Variants in STXBP4 observed in about 807,000 individuals in gnomAD.
STXBP4 encodes syntaxin-binding protein 4.
In STXBP4, 55 loss-of-function variants were observed where a neutral mutation model predicts 76.1. The ratio of observed to expected loss-of-function variants is 0.72; its 90% CI spans 0.58 to 0.91. The LOEUF (loss-of-function observed/expected upper bound fraction) is 0.91. STXBP4 is among the 40% of genes least tolerant of loss of function. STXBP4 has a pLI of 0.00. For synonymous variants in STXBP4, 201 were observed against 220.2 expected, an observed-to-expected ratio of 0.91 and a Z score of 0.77; for missense variants, 618 against 636.9, an observed-to-expected ratio of 0.97 and a Z score of 0.32.
intron 3 of STXBP4, among the ~76,000 whole-genome samples, chr17:54,988,877 G>A (rs995945661): frequency 6.6e-6 from 1 of 152,140 alleles, no homozygotes; most frequent in South Asian, 2.1e-4. Context: ...AACCAGATAG[G>A]CCTTCCCAAA....
At chr17:55,184,483 G>A in the STXBP4 span, among the ~76,000 whole-genome samples, 761 of 152,258 alleles carry the variant, frequency 5.0e-3, 3 homozygotes, top group African/African-American at 0.017. Context: ...TTTCTCCAAG[G>A]TAACCAGTAT....
At chr17:55,124,948 T>A (rs1188127020) in intron 16 of STXBP4, among the ~76,000 whole-genome samples, 2 of 152,292 alleles carry the variant, frequency 1.3e-5, no homozygotes, top group East Asian at 3.9e-4. Flanking sequence ...ACACTAACTT[T>A]GTGGAATCAA....
rs2144369179 is a variant in STXBP4, at chr17:54,986,168, TC to T, written c.-51del. 21 of 1,462,204 alleles carry T rather than the reference TC, an allele frequency of 1.4e-5. No homozygotes were observed. The South Asian group carries it at 2.4e-4, about 17-fold the overall frequency. 90.6% of individuals were successfully genotyped at this position (1,462,204 alleles called of 1,614,324 possible). ...AAAAGAAGAATTTCTAGACTCTTCATCAAGATCTTCATTTATACAGCTGTTA... is the reference window on the plus strand; with the variant it reads ...AAAAGAAGAATTTCTAGACTCTTCATAAGATCTTCATTTATACAGCTGTTA... On this transcript the variant is annotated 5_prime_UTR_variant, in exon 3 of 18. Coordinates refer to ENST00000376352, the MANE Select transcript of STXBP4 (RefSeq NM_178509.6).
At chr17:55,138,502 G>A (rs541118380) in intron 16 of STXBP4, among the ~76,000 whole-genome samples, 7 of 152,246 alleles carry the variant, frequency 4.6e-5, no homozygotes, top group Non-Finnish European at 8.8e-5. Flanking sequence ...TCATCACTGT[G>A]AAGTTATTGA....
At chr17:55,018,260 C>G (rs1724455458) in intron 8 of STXBP4, among the ~76,000 whole-genome samples, 1 of 152,144 alleles carries the variant, frequency 6.6e-6, no homozygotes, top group Non-Finnish European at 1.5e-5. Flanking sequence ...AAGCCTTTAG[C>G]CCGATCAGGA....
At chr17:54,978,674 C>A (rs1036758434) in intron 1 of STXBP4, among the ~76,000 whole-genome samples, 2 of 152,026 alleles carry the variant, frequency 1.3e-5, no homozygotes, top group African/African-American at 4.8e-5. Context: ...AACATGGTAA[C>A]TTTTTTGATA....
At chr17:55,159,352 A>G (rs761455381) in intron 17 of STXBP4, among the ~76,000 whole-genome samples, 16 of 152,278 alleles carry the variant, frequency 1.1e-4, no homozygotes, top group Admixed American at 2.0e-4. Context: ...AGTGAGTAAC[A>G]GCGTATGATT....
intron 16 of STXBP4, among the ~76,000 whole-genome samples, chr17:55,086,154 G>T (rs1009719057): frequency 6.6e-6 from 1 of 152,068 alleles, no homozygotes; most frequent in Non-Finnish European, 1.5e-5. Context: ...TGGAAGAAAA[G>T]TAAAAAATTT....
In STXBP4 at chr17:55,168,716, G is replaced by T. The variant is rs1371169352; in HGVS notation, c.*8805G>T. On this transcript the variant is annotated 3_prime_UTR_variant, in exon 18 of 18. Transcript: ENST00000376352. ...TGCATCTCTTTTTTGAATCAGAGTT[G>T]TCATAAACCACAATTTTTCACGGTA... 1 of 152,108 alleles carries T rather than the reference G, an allele frequency of 6.6e-6. No homozygotes were observed. Among genetic ancestry groups the T allele is most frequent in the Admixed American group, 6.5e-5 (1 of 15,270 alleles). 9.4% of individuals were successfully genotyped at this position (152,108 alleles called of 1,614,324 possible). A position where few individuals can be genotyped will look rare whatever the true frequency, so the allele number is the denominator to read the frequency against.
intron 4 of STXBP4, among the ~76,000 whole-genome samples, chr17:54,997,625 G>A (rs1567710083): frequency 7.2e-6 from 1 of 139,734 alleles, no homozygotes; most frequent in Non-Finnish European, 1.5e-5. Flanking sequence ...TTTTTTTTGA[G>A]ACAGATTTTT....
rs141366232 is a variant in STXBP4 at position 55,130,590 on chromosome 17, G to A, written c.1490-10720G>A. Among the ~76,000 whole-genome samples, 155 of 152,122 alleles carry A rather than the reference G, an allele frequency of 1.0e-3. 3 individuals carry two copies. In the East Asian group the frequency reaches 0.024, roughly 23 times the overall value. ...ATACAACACATTCTTATTAATGACG[G>A]TCACCATGCTGTGCAATAGATAACC... On this transcript the variant is annotated intron_variant, in intron 16 of 17. Transcript: ENST00000376352.
intron 13 of STXBP4, 122 bp from the exon 14 acceptor site, chr17:55,077,956 G>T: frequency 1.6e-6 from 1 of 637,738 alleles, no homozygotes. Flanking sequence ...CAAAACATAT[G>T]TACAGTAAGA....
At chr17:55,210,893 G>C in the STXBP4 span, among the ~76,000 whole-genome samples, 3 of 152,084 alleles carry the variant, frequency 2.0e-5, no homozygotes, top group Non-Finnish European at 4.4e-5. Context: ...ACCATAGTCA[G>C]GCATAAATCA....
At chr17:55,184,850 G>A in the STXBP4 span, among the ~76,000 whole-genome samples, 1 of 152,100 alleles carries the variant, frequency 6.6e-6, no homozygotes, top group African/African-American at 2.4e-5. Context: ...CTAGATTTTG[G>A]TGATACTTTG....
chr17:55,157,334 A>T (rs530819838), intron 17 of STXBP4, among the ~76,000 whole-genome samples: 1 of 152,322 alleles, frequency 6.6e-6, no homozygotes, highest in African/African-American at 2.4e-5. Context: ...TTGCAGTGGC[A>T]TTCCAGCCCT....
chr17:55,094,671 T>A (rs1419578276), intron 16 of STXBP4, among the ~76,000 whole-genome samples: 2 of 152,184 alleles, frequency 1.3e-5, no homozygotes, highest in South Asian at 4.1e-4. Flanking sequence ...GACTACCCCA[T>A]GTTTTTCTAT....
intron 16 of STXBP4, among the ~76,000 whole-genome samples, chr17:55,120,479 A>G (rs935467426): frequency 2.0e-5 from 3 of 152,224 alleles, no homozygotes; most frequent in Non-Finnish European, 4.4e-5. Context: ...TATATCTAGC[A>G]TCAGAAGTCT....
At chr17:55,042,182 A>G (rs1432156644) in intron 10 of STXBP4, among the ~76,000 whole-genome samples, 1 of 152,148 alleles carries the variant, frequency 6.6e-6, no homozygotes, top group African/African-American at 2.4e-5. Context: ...TATTATATCC[A>G]TTCCACCACG....
intron 16 of STXBP4, among the ~76,000 whole-genome samples, chr17:55,099,513 T>C (rs976212643): frequency 6.6e-6 from 1 of 152,202 alleles, no homozygotes; most frequent in Non-Finnish European, 1.5e-5. Flanking sequence ...AATTATAACA[T>C]AATGCTAAGT....
Sources: gnomAD v4.1 joint callset for allele counts (sites outside exome capture counted in the v4.1 genomes callset) on GRCh38, gnomAD v4.1.1 for gene constraint, MANE v1.5 for transcripts, NCBI Gene and HGNC (gene_info 2026-07-23, HGNC 2026-07-21) for gene names.